The following MOB4 variants were observed in gnomAD, a reference collection of about 807,000 sequenced individuals.
MOB4 encodes the protein MOB-like protein phocein.
Under a neutral mutation model 32.2 loss-of-function variants are expected in MOB4, and 4 were observed. That is an observed-to-expected ratio of 0.12 (90% confidence interval 0.06 to 0.28). The LOEUF is 0.28. MOB4 is among the 10% of genes least tolerant of loss of function. The pLI is 1.00. For synonymous variants in MOB4, 88 were observed against 88.1 expected, an observed-to-expected ratio of 1.00 and a Z score of 0.01; for missense variants, 158 against 271.2, an observed-to-expected ratio of 0.58 and a Z score of 2.93.
In MOB4 at chr2:197,540,393, G is replaced by T; in HGVS notation, c.310G>T (p.Glu104Ter). ...TACTTGCACTCAAATGACAGCAACT[G>T]AACAATGGATTTTTCTTTGTGCAGC... ...PDTCTQMTAT[E>*]QWIFLCAAHK... Residue 104 changes from glutamate (E) to a stop codon, truncating the protein, a stop_gained, in exon 5 of 8, where the codon GAA (glutamate) becomes TAA (stop). Coordinates refer to ENST00000323303, the MANE Select transcript of MOB4 (RefSeq NM_015387.5). LOFTEE classifies it high-confidence loss of function. The T allele has an allele frequency of 6.3e-7, 1 of 1,594,228 alleles. No individual in the cohort carries two copies. Among genetic ancestry groups the T allele is most frequent in the South Asian group, 1.2e-5 (1 of 85,888 alleles).
chr2:197,534,624 C>T (rs1336674149), intron 2 of MOB4, among the ~76,000 whole-genome samples: 1 of 152,138 alleles, frequency 6.6e-6, no homozygotes, highest in Admixed American at 6.5e-5. Context: ...TTCACTGCAA[C>T]CTCCGCCTCC....
At chr2:197,547,026 G>A (rs950778459) in intron 5 of MOB4, among the ~76,000 whole-genome samples, 4 of 152,056 alleles carry the variant, frequency 2.6e-5, no homozygotes, top group Non-Finnish European at 4.4e-5. Flanking sequence ...TGGGAGGATC[G>A]CTTGAGGCCA....
At chr2:197,523,818 A>G in intron 2 of MOB4, 132 bp downstream of exon 2, 1 of 757,934 alleles carries the variant, frequency 1.3e-6, no homozygotes, top group Non-Finnish European at 2.0e-6. Context: ...TCACAAAACA[A>G]AACAAAATAG....
At chr2:197,516,051 C>T, upstream of MOB4, 1 of 1,559,902 alleles carries the variant, frequency 6.4e-7, no homozygotes, top group South Asian at 1.2e-5. Context: ...GTCCCTACAT[C>T]CGGGTACCGA....
intron 5 of MOB4, among the ~76,000 whole-genome samples, chr2:197,545,160 A>G (rs11680291): frequency 0.67 from 101,202 of 152,030 alleles, 33,966 homozygotes; most frequent in Middle Eastern, 0.85. Flanking sequence ...ATATCCATCA[A>G]CTGATGAATG....
chr2:197,518,761 A>G (rs2086462091), intron 1 of MOB4, among the ~76,000 whole-genome samples: 1 of 148,362 alleles, frequency 6.7e-6, no homozygotes, highest in African/African-American at 2.5e-5. Flanking sequence ...TATTTATTTT[A>G]TTTTATTTTT....
Position 197,548,237 on chromosome 2 carries a change from A to G in MOB4, c.355-99A>G, listed in dbSNP as rs143437741. 152 of 966,462 alleles carry G rather than the reference A, an allele frequency of 1.6e-4. 1 individual carries two copies. In the East Asian group the frequency reaches 4.3e-3, roughly 27 times the overall value. The allele number at this position is 966,462 out of a possible 1,614,324, so 59.9% of individuals were successfully genotyped here. A position where few individuals can be genotyped will look rare whatever the true frequency, so the allele number is the denominator to read the frequency against. On this transcript the variant is annotated intron_variant, in intron 5 of 7. Coordinates refer to ENST00000323303, the MANE Select transcript of MOB4 (RefSeq NM_015387.5). ...TTGTAAGGAACTTTTTTCTTAGAAC[A>G]TGCTCATGTCTTTGGAATAAGGTAT...
chr2:197,527,937 T>G (rs2086636560), intron 2 of MOB4, among the ~76,000 whole-genome samples: 1 of 152,208 alleles, frequency 6.6e-6, no homozygotes, highest in Admixed American at 6.5e-5. Context: ...ATTGTTGTTG[T>G]TTTTTTAAAA....
chr2:197,538,819 T>A (rs2086847482), intron 3 of MOB4, among the ~76,000 whole-genome samples: 1 of 152,172 alleles, frequency 6.6e-6, no homozygotes. Context: ...AAAAAACACA[T>A]AACATGCAGT....
intron 2 of MOB4, among the ~76,000 whole-genome samples, chr2:197,533,586 G>C (rs927597512): frequency 6.6e-6 from 1 of 151,852 alleles, no homozygotes; most frequent in Non-Finnish European, 1.5e-5. Flanking sequence ...TTAGCCGGGC[G>C]TGATGGCAGG....
intron 1 of MOB4, among the ~76,000 whole-genome samples, chr2:197,518,380 C>T (rs2086453379): frequency 6.6e-6 from 1 of 151,936 alleles, no homozygotes; most frequent in Non-Finnish European, 1.5e-5. Context: ...AGCGATTCTT[C>T]TGCCTCAGCC....
rs1412917086 is a variant in MOB4, at chr2:197,517,911, A to G, written c.60+1765A>G. On this transcript the variant is annotated intron_variant, in intron 1 of 7. Coordinates refer to ENST00000323303, the MANE Select transcript of MOB4 (RefSeq NM_015387.5). ...TCCCAGCACTTTGGGAGGTGGAGGC[A>G]GGCGGATCATCTGAGTTCAGGAGTT... 2.0e-5 allele frequency among the ~76,000 whole-genome samples: 3 copies of G among 152,304 alleles called. No homozygotes were observed. The East Asian group carries it at 5.8e-4, about 29-fold the overall frequency.
intron 1 of MOB4, among the ~76,000 whole-genome samples, chr2:197,519,199 T>G (rs2086471697): frequency 1.3e-5 from 2 of 152,254 alleles, no homozygotes; most frequent in African/African-American, 4.8e-5. Flanking sequence ...CTGGGCTTCA[T>G]AGTTGGTTTT....
At chr2:197,530,459 C>G (rs13388088) in intron 2 of MOB4, among the ~76,000 whole-genome samples, 5,993 of 150,824 alleles carry the variant, frequency 0.04, 378 homozygotes, top group African/African-American at 0.14. Context: ...GAAATGTGGT[C>G]TCGCTATGTT....
intron 6 of MOB4, 95 bp from the exon 7 acceptor site, chr2:197,550,180 T>C (rs2087073692): frequency 8.8e-7 from 1 of 1,134,334 alleles, no homozygotes. Context: ...TTTCCCTAGG[T>C]GTCAGTTTCT....
At chr2:197,521,117 G>T (rs1053995412) in intron 1 of MOB4, among the ~76,000 whole-genome samples, 3 of 152,076 alleles carry the variant, frequency 2.0e-5, no homozygotes, top group Non-Finnish European at 4.4e-5. Flanking sequence ...TTGTATCGGG[G>T]AACCTGCCCC....
rs771147623 is a variant in MOB4 at position 197,540,204 on chromosome 2, T to C, written c.267+51T>C. 7.6e-6 allele frequency: 12 copies of C among 1,585,496 alleles called. No homozygotes were observed. In the South Asian group the frequency reaches 1.3e-4, roughly 17 times the overall value. On this transcript the variant is annotated intron_variant, in intron 4 of 7. Transcript: ENST00000323303. ...ATAATTGAAAGTTCTGATTTTTTTT[T>C]CTCTGTTTTTATAACTTAATGTGCT...
At chr2:197,535,480 T>C in intron 2 of MOB4, 50 bp from the exon 3 acceptor site, 1 of 1,521,370 alleles carries the variant, frequency 6.6e-7, no homozygotes, top group African/African-American at 1.4e-5. Flanking sequence ...TAACATAAGA[T>C]TTACCAGGTG....
At chr2:197,535,661 C>A (rs780094338) in intron 3 of MOB4, 31 bp downstream of exon 3, 4 of 1,579,806 alleles carry the variant, frequency 2.5e-6, no homozygotes, top group South Asian at 2.4e-5. Context: ...ACTAATAGTA[C>A]CTCTCACAAA....
Sources: allele counts gnomAD v4.1 joint callset (sites outside exome capture counted in the v4.1 genomes callset), GRCh38; gene constraint gnomAD v4.1.1; transcripts MANE v1.5; gene names NCBI Gene and HGNC (gene_info 2026-07-23, HGNC 2026-07-21).